The following TBC1D1 variants were observed in gnomAD, a reference collection of about 807,000 sequenced individuals.
TBC1D1 encodes the protein TBC1 (tre-2/USP6, BUB2, cdc16) domain family, member 1.
TBC1D1 carries 89 observed loss-of-function variants against 125.6 expected under a neutral mutation model. The ratio of observed to expected loss-of-function variants is 0.71; its 90% CI spans 0.60 to 0.85. The LOEUF is 0.85. TBC1D1 is among the 40% of genes least tolerant of loss of function. The pLI is 0.00. For synonymous variants in TBC1D1, 565 were observed against 564.1 expected (o/e 1.00, Z -0.02); for missense variants, 1,377 against 1,469.2 (o/e 0.94, Z 1.03).
chr4:37,906,501 A>G (rs1194999367), intron 2 of TBC1D1, among the ~76,000 whole-genome samples: 1 of 152,150 alleles, frequency 6.6e-6, no homozygotes, highest in Non-Finnish European at 1.5e-5. Context: ...TTCTTTGGAC[A>G]TTGTGCCTAT....
intron 2 of TBC1D1, chr4:37,951,858 T>C (rs1727944311): frequency 3.1e-6 from 2 of 641,244 alleles, no homozygotes; most frequent in Non-Finnish European, 5.8e-6. Flanking sequence ...ATCATTCAGA[T>C]ACAATTTTTA....
At chr4:38,033,638 T>C (rs1173299362) in intron 7 of TBC1D1, among the ~76,000 whole-genome samples, 1 of 152,206 alleles carries the variant, frequency 6.6e-6, no homozygotes, top group Non-Finnish European at 1.5e-5. Context: ...ATGCTTAATG[T>C]CATGTGCCCA....
chr4:38,025,241 A>T (rs899087592), intron 6 of TBC1D1, among the ~76,000 whole-genome samples: 2 of 152,120 alleles, frequency 1.3e-5, no homozygotes, highest in Non-Finnish European at 1.5e-5. Context: ...GTAGTTTGGA[A>T]ACTCTCTTGA....
intron 2 of TBC1D1, among the ~76,000 whole-genome samples, chr4:37,922,590 G>A (rs927369111): frequency 1.1e-4 from 17 of 152,154 alleles, no homozygotes; most frequent in African/African-American, 2.7e-4. Flanking sequence ...AGACTCCCTC[G>A]CTTTGTTCCC....
chr4:37,943,897 G>A (rs55697041), intron 2 of TBC1D1, among the ~76,000 whole-genome samples: 1 of 152,152 alleles, frequency 6.6e-6, no homozygotes, highest in Non-Finnish European at 1.5e-5. Context: ...TTCCTTTGGA[G>A]GGGGAGAGGC....
chr4:38,126,499 T>A lies in TBC1D1; in HGVS notation c.3132+1368T>A, dbSNP rs1764673134. Among the ~76,000 whole-genome samples the A allele has an allele frequency of 2.0e-5, 3 of 152,256 alleles. No individual in the cohort carries two copies. The South Asian group carries it at 6.2e-4, about 32-fold the overall frequency. On this transcript the variant is annotated intron_variant, in intron 18 of 19. Transcript: ENST00000261439. Reference sequence around the variant, plus strand: ...TGTTAAGCACAGAAAAAGATGCAAATTTGGCCTGCAAAAGAAAGAGGTTTC... The same window carrying A: ...TGTTAAGCACAGAAAAAGATGCAAAATTGGCCTGCAAAAGAAAGAGGTTTC...
At chr4:38,036,044 G>A (rs1747147617) in intron 8 of TBC1D1, among the ~76,000 whole-genome samples, 1 of 152,164 alleles carries the variant, frequency 6.6e-6, no homozygotes, top group South Asian at 2.1e-4. Context: ...AACCTGGAAG[G>A]ACATTGCATG....
chr4:37,897,628 C>A (rs1414319786), intron 1 of TBC1D1, among the ~76,000 whole-genome samples: 1 of 152,190 alleles, frequency 6.6e-6, no homozygotes, highest in African/African-American at 2.4e-5. Context: ...TACATCTATA[C>A]TCTAAGAAGG....
intron 2 of TBC1D1, among the ~76,000 whole-genome samples, chr4:37,954,766 G>A (rs1295225257): frequency 6.6e-6 from 1 of 150,602 alleles, no homozygotes; most frequent in African/African-American, 2.5e-5. Context: ...AAGAGGCGGG[G>A]TGATTCACTG....
chr4:38,004,465 A>G (rs781239787), intron 2 of TBC1D1, among the ~76,000 whole-genome samples: 12 of 152,206 alleles, frequency 7.9e-5, no homozygotes, highest in Non-Finnish European at 1.6e-4. Context: ...TTTATTATTG[A>G]GCAGAGTGCC....
chr4:37,980,063 G>A (rs958181167), intron 2 of TBC1D1, among the ~76,000 whole-genome samples: 2 of 152,258 alleles, frequency 1.3e-5, no homozygotes, highest in African/African-American at 4.8e-5. Flanking sequence ...ACAGGTGTGA[G>A]CCACCGCCCC....
chr4:37,920,029 C>T (rs982553559), intron 2 of TBC1D1, among the ~76,000 whole-genome samples: 12 of 152,272 alleles, frequency 7.9e-5, no homozygotes, highest in Middle Eastern at 6.8e-3. Flanking sequence ...AGGAGAATGG[C>T]GTGAACCGGT....
intron 15 of TBC1D1, among the ~76,000 whole-genome samples, chr4:38,103,834 G>T (rs1338900596): frequency 6.6e-6 from 1 of 152,154 alleles, no homozygotes; most frequent in Non-Finnish European, 1.5e-5. Flanking sequence ...TGTATTAGGT[G>T]TTATAGGTAA....
rs1204128467 is a variant in TBC1D1, at chr4:38,014,525, G to A, written c.434G>A (p.Ser145Asn). ...TCTCCTCAGGTGCCTGAGATCATCA[G>A]CTCCATCCGTCAGGCGGGGAAGATC... Residue 145 changes from serine (S) to asparagine (N), a missense_variant, in exon 3 of 20, where the codon AGC (serine) becomes AAC (asparagine). By Grantham distance (46) the Ser-to-Asn change is conservative. This residue lies in a region of TBC1D1 where 822 missense variants were observed against 824.6 expected (regional missense o/e 1.00). Coordinates refer to ENST00000261439, the MANE Select transcript of TBC1D1 (RefSeq NM_015173.4). This position sits in a 1 kb window ranked among gnomAD's most constrained non-coding sequence, Gnocchi z 5.1. 1.2e-6 allele frequency: 2 copies of A among 1,612,972 alleles called. No homozygotes were observed. Among genetic ancestry groups the A allele is most frequent in the Non-Finnish European group, 1.7e-6 (2 of 1,179,784 alleles).
chr4:38,131,592 G>A (rs958657730), intron 18 of TBC1D1, among the ~76,000 whole-genome samples: 1 of 152,192 alleles, frequency 6.6e-6, no homozygotes, highest in African/African-American at 2.4e-5. Flanking sequence ...GGAGGTAGGC[G>A]CTGTCTGCCC....
chr4:37,966,281 T>C (rs190660144), intron 2 of TBC1D1, among the ~76,000 whole-genome samples: 6 of 152,254 alleles, frequency 3.9e-5, no homozygotes, highest in Admixed American at 2.6e-4. Context: ...CATGTGCAAA[T>C]TGATTGACCC....
At chr4:37,919,158 T>C (rs989184131) in intron 2 of TBC1D1, among the ~76,000 whole-genome samples, 7 of 151,998 alleles carry the variant, frequency 4.6e-5, no homozygotes, top group Non-Finnish European at 4.4e-5. Flanking sequence ...CTCAAAGAAT[T>C]TTAAAGTTAT....
Position 38,049,680 on chromosome 4 carries a change from C to T in TBC1D1, c.1692C>T (p.Gly564=), listed in dbSNP as rs758394148. The T allele has an allele frequency of 1.9e-6, 3 of 1,614,144 alleles. No homozygotes were observed. The change falls in exon 11 of 20, where the codon GGC becomes GGT. Residue 564 remains glycine (G), a synonymous_variant. Transcript: ENST00000261439. The stretch of plus-strand genomic sequence containing the variant: ...CTGAGAGCTCCTTTAAGCTCCTCGG[C>T]TCCTCGGAGGACCTGTCCAGTGACT...
intron 11 of TBC1D1, 57 bp downstream of exon 11, chr4:38,049,955 G>C: frequency 2.0e-6 from 3 of 1,536,798 alleles, no homozygotes; most frequent in South Asian, 2.5e-5. Context: ...TGACTAGCCA[G>C]GTATGTGCAT....
Sources: allele counts gnomAD v4.1 joint callset (sites outside exome capture counted in the v4.1 genomes callset), GRCh38; gene constraint gnomAD v4.1.1; regional missense constraint gnomAD v4.1.1; non-coding constraint Gnocchi (gnomAD v3.1); transcripts MANE v1.5; gene names NCBI Gene and HGNC (gene_info 2026-07-23, HGNC 2026-07-21).